Variants in MACROD2 observed in about 807,000 individuals in gnomAD.
The protein encoded by MACROD2 is mono-ADP ribosylhydrolase 2.
MACROD2 carries 36 observed loss-of-function variants against 70.4 expected under a neutral mutation model. That is an observed-to-expected ratio of 0.51 (90% confidence interval 0.39 to 0.68). MACROD2 has a LOEUF of 0.68. Among genes scored for constraint, MACROD2 ranks in the 30% least tolerant of loss-of-function variants. The pLI is 0.00. For synonymous variants in MACROD2, 172 were observed against 178.8 expected (o/e 0.96, Z 0.30); for missense variants, 496 against 538.4 (o/e 0.92, Z 0.78).
intron 5 of MACROD2, among the ~76,000 whole-genome samples, chr20:14,686,445 A>G (rs1206458005): frequency 1.3e-5 from 2 of 152,172 alleles, no homozygotes; most frequent in African/African-American, 4.8e-5. Context: ...GGAATTTTCC[A>G]CTTGTGGCAT....
At chr20:15,080,726 G>A (rs956641699) in intron 5 of MACROD2, among the ~76,000 whole-genome samples, 2 of 152,068 alleles carry the variant, frequency 1.3e-5, no homozygotes, top group Admixed American at 6.6e-5. Context: ...AATCTAATAG[G>A]CATCATAAGC....
At chr20:15,568,978 C>G (rs2048343830) in intron 8 of MACROD2, among the ~76,000 whole-genome samples, 1 of 152,178 alleles carries the variant, frequency 6.6e-6, no homozygotes, top group Non-Finnish European at 1.5e-5. Flanking sequence ...CCTGCCATGT[C>G]ATGATCACAG....
intron 5 of MACROD2, among the ~76,000 whole-genome samples, chr20:14,700,457 C>T (rs1003506476): frequency 6.6e-6 from 1 of 151,888 alleles, no homozygotes; most frequent in Non-Finnish European, 1.5e-5. Flanking sequence ...ATCAATCACT[C>T]AACTATTCAG....
At chr20:14,038,295 C>A (rs1328031100) in intron 2 of MACROD2, among the ~76,000 whole-genome samples, 87 of 139,246 alleles carry the variant, frequency 6.2e-4, no homozygotes, top group Admixed American at 7.2e-4. Context: ...GACTCCGTCT[C>A]AAAAAAAAAA....
chr20:14,782,817 C>G (rs997206299), intron 5 of MACROD2, among the ~76,000 whole-genome samples: 2 of 152,208 alleles, frequency 1.3e-5, no homozygotes, highest in East Asian at 3.9e-4. Context: ...AGTCTCTATC[C>G]CAGGTGCTGC....
At chr20:15,648,097 A>G (rs1274722950) in intron 8 of MACROD2, among the ~76,000 whole-genome samples, 1 of 152,200 alleles carries the variant, frequency 6.6e-6, no homozygotes, top group Non-Finnish European at 1.5e-5. Context: ...AAACACTGTA[A>G]TGGATGACGG....
intron 3 of MACROD2, among the ~76,000 whole-genome samples, chr20:14,177,962 A>G (rs2081276373): frequency 1.3e-5 from 2 of 152,134 alleles, no homozygotes; most frequent in Non-Finnish European, 2.9e-5. Flanking sequence ...TTTAACTCTG[A>G]CTTAAAATCA....
rs897792109 is a variant in MACROD2, at chr20:15,755,598, C to T, written c.646-107147C>T. Among the ~76,000 whole-genome samples, 12 of 152,296 alleles carry T rather than the reference C, an allele frequency of 7.9e-5. No homozygotes were observed. The South Asian group carries it at 2.3e-3, about 29-fold the overall frequency. ...AAGCTAGTTCTTTCTCCATGCTTGT[C>T]TCATTCATGAATAACATCAAACAAT... On this transcript the variant is annotated intron_variant, in intron 8 of 17. Coordinates refer to ENST00000684519, the MANE Select transcript of MACROD2 (RefSeq NM_001351661.2).
chr20:15,435,690 G>T (rs1239980620), intron 7 of MACROD2, among the ~76,000 whole-genome samples: 3 of 152,122 alleles, frequency 2.0e-5, no homozygotes, highest in African/African-American at 7.2e-5. Context: ...CTCCAGAGTG[G>T]ACAGTAAGAA....
chr20:14,962,529 C>T (rs556147357), intron 5 of MACROD2, among the ~76,000 whole-genome samples: 1 of 141,294 alleles, frequency 7.1e-6, no homozygotes, highest in South Asian at 2.3e-4. Context: ...CTCTCTCTTT[C>T]TCTCTCTCTC....
At chr20:15,142,991 T>C (rs1199720436) in intron 5 of MACROD2, among the ~76,000 whole-genome samples, 1 of 152,198 alleles carries the variant, frequency 6.6e-6, no homozygotes, top group Non-Finnish European at 1.5e-5. Flanking sequence ...TGTGTCTTTA[T>C]AGCAGCATGA....
chr20:15,744,744 CAA>C (rs2051157029), intron 8 of MACROD2, among the ~76,000 whole-genome samples: 3 of 151,026 alleles, frequency 2.0e-5, no homozygotes, highest in African/African-American at 7.3e-5. Flanking sequence ...ACACTACACA[CAA>C]GGTGTTTTTA....
At chr20:15,256,272 T>C (rs1024241880) in intron 6 of MACROD2, among the ~76,000 whole-genome samples, 4 of 152,110 alleles carry the variant, frequency 2.6e-5, no homozygotes, top group African/African-American at 7.2e-5. Context: ...TGATGCTGTT[T>C]GGACACGAGA....
At chr20:14,948,451 C>T (rs894278452) in intron 5 of MACROD2, among the ~76,000 whole-genome samples, 1 of 152,112 alleles carries the variant, frequency 6.6e-6, no homozygotes, top group Non-Finnish European at 1.5e-5. Context: ...TGTGACAGAC[C>T]ACTGCTGAGT....
At chr20:14,609,534 C>T (rs989073653) in intron 4 of MACROD2, among the ~76,000 whole-genome samples, 1 of 152,080 alleles carries the variant, frequency 6.6e-6, no homozygotes, top group Admixed American at 6.6e-5. Flanking sequence ...AGAGTGTGTA[C>T]TTTTTTCAGG....
At chr20:15,779,447 A>C (rs556065268) in intron 8 of MACROD2, among the ~76,000 whole-genome samples, 54 of 152,268 alleles carry the variant, frequency 3.5e-4, no homozygotes, top group African/African-American at 1.3e-3. Context: ...ATTCAGTGTG[A>C]TGCTGTGAAA....
At chr20:15,587,528 C>T (rs1446070854) in intron 8 of MACROD2, among the ~76,000 whole-genome samples, 4 of 152,118 alleles carry the variant, frequency 2.6e-5, no homozygotes, top group African/African-American at 7.2e-5. Flanking sequence ...TCTCATCTGA[C>T]GGACAAGGCA....
rs546049110 is a variant in MACROD2 at position 14,348,883 on chromosome 20, C to T, written c.272-144596C>T. 9.9e-5 allele frequency among the ~76,000 whole-genome samples: 15 copies of T among 152,136 alleles called. No individual in the cohort carries two copies. In the South Asian group the frequency reaches 2.9e-3, roughly 29 times the overall value. On this transcript the variant is annotated intron_variant, in intron 3 of 17. Coordinates refer to ENST00000684519, the MANE Select transcript of MACROD2 (RefSeq NM_001351661.2). ...AGGAGTTCAAGACTAGCTTGGGCAA[C>T]ATGATGAAGTCCCATCTCTACAAAA...
intron 3 of MACROD2, among the ~76,000 whole-genome samples, chr20:14,159,911 G>A (rs1188070354): frequency 1.3e-5 from 2 of 152,054 alleles, no homozygotes; most frequent in Non-Finnish European, 2.9e-5. Flanking sequence ...TGCCTAGTTT[G>A]CTGAGAATTT....
Sources: gnomAD v4.1 joint callset for allele counts (sites outside exome capture counted in the v4.1 genomes callset) on GRCh38, gnomAD v4.1.1 for gene constraint, MANE v1.5 for transcripts, NCBI Gene and HGNC (gene_info 2026-07-23, HGNC 2026-07-21) for gene names.